ABTB2: variants seen among roughly 807,000 people sequenced by gnomAD.
The protein encoded by ABTB2 is ankyrin repeat and BTB domain containing 2, also known as ankyrin repeat and BTB/POZ domain-containing protein 2.
In ABTB2, 56 loss-of-function variants were observed where a neutral mutation model predicts 104.1. The observed-to-expected ratio is 0.54, with a 90% CI of 0.43 to 0.67. The LOEUF (loss-of-function observed/expected upper bound fraction) is 0.67. ABTB2 is among the 30% of genes least tolerant of loss of function. The pLI is 0.00. For synonymous variants in ABTB2, 606 were observed against 608.2 expected (o/e 1.00, Z 0.05); for missense variants, 1,279 against 1,407.7 (o/e 0.91, Z 1.46).
intron 1 of ABTB2, among the ~76,000 whole-genome samples, chr11:34,236,682 T>C (rs900854267): frequency 5.3e-5 from 8 of 152,158 alleles, no homozygotes; most frequent in Non-Finnish European, 8.8e-5. Flanking sequence ...GAGATGCCGA[T>C]ACATCAGGCC....
chr11:34,308,945 A>G (rs1358735638), intron 1 of ABTB2, among the ~76,000 whole-genome samples: 1 of 151,934 alleles, frequency 6.6e-6, no homozygotes, highest in Non-Finnish European at 1.5e-5. Flanking sequence ...TGCTTTTCAA[A>G]TGCTTTGGTC....
rs138327386 is a variant in ABTB2 at position 34,197,498 on chromosome 11, A to G, written c.1071T>C (p.Arg357=). The G allele has an allele frequency of 8.1e-4, 1,275 of 1,578,076 alleles. 5 individuals are homozygous for G. In the Middle Eastern group the frequency reaches 8.4e-3, roughly 10 times the overall value. Residue 357 remains arginine, a synonymous_variant, in exon 3 of 17, where the codon CGT becomes CGC. Coordinates refer to ENST00000435224, the MANE Select transcript of ABTB2 (RefSeq NM_145804.3). ...VSRAMHHMQG[R]HPLCPGASPA... ...GGCTGGCACCCGGGCACAGGGGGTG[A>G]CGCCCCTGCATGTGGTGCATGGCAC...
intron 1 of ABTB2, among the ~76,000 whole-genome samples, chr11:34,284,935 C>A (rs1245808427): frequency 6.6e-6 from 1 of 152,336 alleles, no homozygotes; most frequent in African/African-American, 2.4e-5. Context: ...TGGCCGTCCT[C>A]AGCCCAGGAC....
At position 34,318,054 on chromosome 11, in the gene ABTB2, G is replaced by C. The variant is rs535697198; in HGVS notation, c.883+38647C>G. ...CAATCTTGGCTCACTGCAACCTCCA[G>C]CTCCTGGGTTCAAGTAATTCTCCTG... On this transcript the variant is annotated intron_variant, in intron 1 of 16. Coordinates refer to ENST00000435224, the MANE Select transcript of ABTB2 (RefSeq NM_145804.3). 7.6e-4 allele frequency among the ~76,000 whole-genome samples: 115 copies of C among 150,652 alleles called. 1 individual carries two copies. Among genetic ancestry groups the C allele is most frequent in the African/African-American group, 2.7e-3 (112 of 41,080 alleles).
intron 1 of ABTB2, among the ~76,000 whole-genome samples, chr11:34,272,732 C>CAAAAAAAAAAAAA (rs1491413447): frequency 8.6e-4 from 80 of 92,912 alleles, no homozygotes; most frequent in African/African-American, 3.9e-3. Context: ...AAAAAAAAAA[C>CAAAAAAAAAAAAA]CAACCAACCA....
chr11:34,207,973 TAC>T (rs1853430122), intron 1 of ABTB2, among the ~76,000 whole-genome samples: 1 of 152,192 alleles, frequency 6.6e-6, no homozygotes, highest in Admixed American at 6.5e-5. Flanking sequence ...CATGAAACTC[TAC>T]AGACAAAAAG....
intron 1 of ABTB2, among the ~76,000 whole-genome samples, chr11:34,206,169 G>C (rs1218728604): frequency 1.3e-5 from 2 of 152,100 alleles, no homozygotes; most frequent in African/African-American, 2.4e-5. Flanking sequence ...AGACCAGCCT[G>C]GCCAACACGG....
chr11:34,154,255 T>TGGC lies in ABTB2; in HGVS notation c.2880+7_2880+9dup, dbSNP rs1565125368. ...GTGGGAGGTGGCCAGCAGGCATCCT[T>TGGC]GGCCCTCACCTTGGCATATTTGTAG... On this transcript the variant is annotated intron_variant, in intron 16 of 16. Transcript: ENST00000435224. The surrounding 1 kb of genome is among the most constrained non-coding windows in gnomAD (Gnocchi z 4.9). The TGGC allele has an allele frequency of 1.9e-6, 3 of 1,609,382 alleles. No homozygotes were observed. The East Asian group carries it at 6.7e-5, about 36-fold the overall frequency.
At chr11:34,211,145 G>A (rs1248850556) in intron 1 of ABTB2, among the ~76,000 whole-genome samples, 2 of 152,114 alleles carry the variant, frequency 1.3e-5, no homozygotes, top group South Asian at 2.1e-4. Context: ...GTTTTATTCT[G>A]TCACCCAAGC....
intron 3 of ABTB2, among the ~76,000 whole-genome samples, chr11:34,195,495 G>T (rs540810153): frequency 2.0e-5 from 3 of 152,310 alleles, no homozygotes; most frequent in African/African-American, 7.2e-5. Context: ...AACTCCCAGA[G>T]AAGTAAAACA....
chr11:34,194,995 A>G (rs1590213039), intron 3 of ABTB2, among the ~76,000 whole-genome samples: 1 of 149,346 alleles, frequency 6.7e-6, no homozygotes, highest in East Asian at 2.0e-4. Context: ...TCATGAAGAA[A>G]CCCTGATGCT....
chr11:34,321,184 AAAAC>A lies in ABTB2; in HGVS notation c.883+35513_883+35516del, dbSNP rs202158760. Among the ~76,000 whole-genome samples, 209 of 152,340 alleles carry A rather than the reference AAAAC, an allele frequency of 1.4e-3. 1 individual carries two copies. Among genetic ancestry groups the A allele is most frequent in the African/African-American group, 4.8e-3 (201 of 41,584 alleles). ...GCAACAAGAGCAAAACTCCATCTCAAAAACAAACAAACAAACAAAAAAAGATGTT... is the reference window on the plus strand; with the variant it reads ...GCAACAAGAGCAAAACTCCATCTCAAAAACAAACAAACAAAAAAAGATGTT... On this transcript the variant is annotated intron_variant, in intron 1 of 16. Coordinates refer to ENST00000435224, the MANE Select transcript of ABTB2 (RefSeq NM_145804.3).
At chr11:34,310,791 C>A (rs547879721) in intron 1 of ABTB2, among the ~76,000 whole-genome samples, 1 of 152,128 alleles carries the variant, frequency 6.6e-6, no homozygotes, top group Non-Finnish European at 1.5e-5. Context: ...CTTTAATGTG[C>A]GTCTCCTTCA....
At chr11:34,265,698 G>A (rs932263557) in intron 1 of ABTB2, among the ~76,000 whole-genome samples, 7 of 148,530 alleles carry the variant, frequency 4.7e-5, no homozygotes, top group Non-Finnish European at 3.0e-5. Context: ...GCCGGGCACG[G>A]TGGCTCATGC....
chr11:34,162,117 C>A (rs749710500), intron 10 of ABTB2, among the ~76,000 whole-genome samples: 6 of 152,212 alleles, frequency 3.9e-5, no homozygotes, highest in Non-Finnish European at 7.3e-5. Context: ...TAACACAGGA[C>A]CTGACCTAAG....
At chr11:34,341,908 C>G (rs1019310652) in intron 1 of ABTB2, among the ~76,000 whole-genome samples, 1 of 152,192 alleles carries the variant, frequency 6.6e-6, no homozygotes, top group African/African-American at 2.4e-5. Flanking sequence ...ATTTTCCTCC[C>G]TTTAAGGAAA....
At chr11:34,193,816 G>C (rs2982601) in intron 3 of ABTB2, among the ~76,000 whole-genome samples, 133,848 of 152,276 alleles carry the variant, frequency 0.88, 59,010 homozygotes, top group East Asian at 1. Context: ...CTCACTGCAG[G>C]AGTAGATGAA....
chr11:34,312,034 A>G (rs779963363), intron 1 of ABTB2, among the ~76,000 whole-genome samples: 4 of 151,806 alleles, frequency 2.6e-5, no homozygotes, highest in Admixed American at 6.6e-5. Flanking sequence ...CAAGCTACTC[A>G]GGAGGCTAAG....
intron 1 of ABTB2, among the ~76,000 whole-genome samples, chr11:34,341,766 G>A (rs1442631993): frequency 2.0e-5 from 3 of 152,094 alleles, no homozygotes. Context: ...GAGTTCCCAG[G>A]CCAGGCCTCA....
Sources: gnomAD v4.1 joint callset for allele counts (sites outside exome capture counted in the v4.1 genomes callset) on GRCh38, gnomAD v4.1.1 for gene constraint, Gnocchi (gnomAD v3.1) non-coding constraint, MANE v1.5 for transcripts, NCBI Gene and HGNC (gene_info 2026-07-23, HGNC 2026-07-21) for gene names.